The following FHIT variants were observed in gnomAD, a reference collection of about 807,000 sequenced individuals.
FHIT encodes fragile histidine triad diadenosine triphosphatase.
FHIT carries 19 observed loss-of-function variants against 17.9 expected under a neutral mutation model. The ratio of observed to expected loss-of-function variants is 1.06; its 90% confidence interval spans 0.74 to 1.56. The LOEUF (loss-of-function observed/expected upper bound fraction) is 1.56, where lower values mean the gene tolerates loss of function less well. Among genes scored for constraint, FHIT ranks in the 40% most tolerant of loss-of-function variants. The pLI, the probability that FHIT is intolerant of heterozygous loss-of-function variation, is 0.00. For synonymous variants in FHIT, 81 were observed against 69.7 expected (o/e 1.16, Z -0.81); for missense variants, 248 against 189.2 (o/e 1.31, Z -1.82).
chr3:59,770,815 G>A (rs927815929), intron 8 of FHIT, among the ~76,000 whole-genome samples: 1 of 152,182 alleles, frequency 6.6e-6, no homozygotes, highest in African/African-American at 2.4e-5. Context: ...CAGGGAAGGA[G>A]TCCACAACAG....
At chr3:61,065,028 GTGTCCTGGGGCATAATTCCC>G (rs1330820377) in intron 2 of FHIT, among the ~76,000 whole-genome samples, 1 of 152,088 alleles carries the variant, frequency 6.6e-6, no homozygotes, top group South Asian at 2.1e-4. Context: ...AGAGCAGAGA[GTGTCCTGGGGCATAATTCCC>G]TGTCCTTTGG....
intron 3 of FHIT, among the ~76,000 whole-genome samples, chr3:60,881,277 C>A (rs1188316469): frequency 6.6e-6 from 1 of 152,180 alleles, no homozygotes; most frequent in Non-Finnish European, 1.5e-5. Flanking sequence ...AACACTGGAA[C>A]ACATTGATAT....
chr3:59,899,304 A>G (rs1442656083), intron 8 of FHIT, among the ~76,000 whole-genome samples: 1 of 152,256 alleles, frequency 6.6e-6, no homozygotes, highest in Non-Finnish European at 1.5e-5. Flanking sequence ...CTGAGCAGGC[A>G]GAGAATGGCT....
intron 5 of FHIT, among the ~76,000 whole-genome samples, chr3:60,366,316 G>C (rs1358339332): frequency 6.6e-6 from 1 of 152,020 alleles, no homozygotes; most frequent in Non-Finnish European, 1.5e-5. Context: ...GTAGAGATAG[G>C]GTTTCACCAT....
At chr3:60,682,837 A>T (rs2040782844) in intron 4 of FHIT, among the ~76,000 whole-genome samples, 1 of 152,176 alleles carries the variant, frequency 6.6e-6, no homozygotes, top group Non-Finnish European at 1.5e-5. Context: ...TAAAATGAAA[A>T]CCTTCTGGAA....
At chr3:60,097,169 T>A (rs1056754547) in intron 5 of FHIT, among the ~76,000 whole-genome samples, 5 of 151,928 alleles carry the variant, frequency 3.3e-5, no homozygotes, top group Admixed American at 3.3e-4. Context: ...TTTAGTCCAG[T>A]TATTACACCC....
At chr3:61,218,106 G>A (rs550574386) in intron 1 of FHIT, among the ~76,000 whole-genome samples, 5 of 152,246 alleles carry the variant, frequency 3.3e-5, no homozygotes, top group South Asian at 4.1e-4. Context: ...TCTGAGAGTG[G>A]TAAGTTATCT....
intron 5 of FHIT, among the ~76,000 whole-genome samples, chr3:60,100,972 C>T (rs1163658664): frequency 6.6e-6 from 1 of 152,108 alleles, no homozygotes; most frequent in Non-Finnish European, 1.5e-5. Flanking sequence ...GAACATGTAA[C>T]AGCTCTAATT....
intron 5 of FHIT, among the ~76,000 whole-genome samples, chr3:60,130,971 GTA>G (rs762784517): frequency 1.4e-4 from 15 of 105,862 alleles, no homozygotes; most frequent in East Asian, 9.7e-4. Flanking sequence ...CAGTAGAAAG[GTA>G]TATATATACA....
intron 5 of FHIT, among the ~76,000 whole-genome samples, chr3:60,480,584 A>G (rs2033563888): frequency 6.6e-6 from 1 of 152,208 alleles, no homozygotes; most frequent in African/African-American, 2.4e-5. Flanking sequence ...AAATGTTCCC[A>G]TTACAAATGA....
intron 3 of FHIT, among the ~76,000 whole-genome samples, chr3:61,016,279 G>C (rs986380032): frequency 6.6e-6 from 1 of 152,164 alleles, no homozygotes; most frequent in Non-Finnish European, 1.5e-5. Context: ...TGGAAATCAC[G>C]TGATTAATGG....
chr3:60,183,140 G>C (rs1233939057), intron 5 of FHIT, among the ~76,000 whole-genome samples: 2 of 152,154 alleles, frequency 1.3e-5, no homozygotes, highest in African/African-American at 4.8e-5. Flanking sequence ...GCTCACACCT[G>C]CAATCCCAGC....
At chr3:60,899,308 C>T (rs550899404) in intron 3 of FHIT, among the ~76,000 whole-genome samples, 4 of 152,304 alleles carry the variant, frequency 2.6e-5, no homozygotes, top group South Asian at 2.1e-4. Context: ...TATCTTTTTA[C>T]ACTTCCTGTG....
At chr3:60,070,610 A>C (rs1416414241) in intron 5 of FHIT, among the ~76,000 whole-genome samples, 1 of 152,180 alleles carries the variant, frequency 6.6e-6, no homozygotes, top group Non-Finnish European at 1.5e-5. Flanking sequence ...CACATTCTTT[A>C]GGTGCTTCCG....
rs538203793 is a variant in FHIT at position 60,351,836 on chromosome 3, C to G, written c.103+185024G>C. Among the ~76,000 whole-genome samples, 53 of 151,942 alleles carry G rather than the reference C, an allele frequency of 3.5e-4. 1 individual carries two copies. The highest frequency in any genetic ancestry group is 1.2e-3 in the African/African-American group (50 of 41,444). On this transcript the variant is annotated intron_variant, in intron 5 of 9. Transcript: ENST00000492590. ...CAACAAAATCACTTATAGACCCATG[C>G]AGAAACCATGCCCTTCCTTCTCAGT...
intron 2 of FHIT, among the ~76,000 whole-genome samples, chr3:61,153,229 A>G (rs971902010): frequency 2.6e-5 from 4 of 152,118 alleles, no homozygotes; most frequent in African/African-American, 9.7e-5. Context: ...TTGAGAGATA[A>G]CATCTCCTGA....
chr3:61,220,683 C>T (rs557461976), intron 1 of FHIT, among the ~76,000 whole-genome samples: 239 of 152,272 alleles, frequency 1.6e-3, no homozygotes, highest in African/African-American at 5.4e-3. Context: ...TTCTAGAACA[C>T]TGTCTGGCAC....
At chr3:60,110,443 G>A (rs1259464681) in intron 5 of FHIT, among the ~76,000 whole-genome samples, 2 of 152,112 alleles carry the variant, frequency 1.3e-5, no homozygotes, top group African/African-American at 4.8e-5. Flanking sequence ...TTAAAGCAGG[G>A]TAAGAGAGTC....
chr3:60,359,277 C>CTTTTTTTTT (rs71089599), intron 5 of FHIT, among the ~76,000 whole-genome samples: 2 of 109,910 alleles, frequency 1.8e-5, no homozygotes, highest in African/African-American at 3.5e-5. Context: ...ATGAAAATAT[C>CTTTTTTTTT]TTTTTTTTTT....
Sources: gnomAD v4.1 joint callset for allele counts (sites outside exome capture counted in the v4.1 genomes callset) on GRCh38, gnomAD v4.1.1 for gene constraint, MANE v1.5 for transcripts, NCBI Gene and HGNC (gene_info 2026-07-23, HGNC 2026-07-21) for gene names.